The following LHB variants were observed in gnomAD, a reference collection of about 807,000 sequenced individuals.
LHB encodes lutropin subunit beta.
Under a neutral mutation model 10.6 loss-of-function variants are expected in LHB, and 11 were observed. That is an observed-to-expected ratio of 1.04 (90% CI 0.66 to 1.72). The LOEUF is 1.72. LHB is among the 40% of genes most tolerant of loss of function. The probability of loss-of-function intolerance (pLI) is 0.00; values close to 1 mark genes in which losing one functional copy is unlikely to be tolerated. For missense variants in LHB, 184 were observed against 197.3 expected (o/e 0.93, Z 0.41); for synonymous variants, 86 against 83.1 (o/e 1.03, Z -0.19).
At chr19:49,018,891 T>A, upstream of LHB, 3 of 1,534,146 alleles carry the variant, frequency 2.0e-6, no homozygotes, top group Admixed American at 5.9e-5. Context: ...GAACCGAAAG[T>A]CCCGCGCCGA....
chr19:49,019,256 C>T, upstream of LHB: 1 of 1,306,796 alleles, frequency 7.7e-7, no homozygotes, highest in Non-Finnish European at 9.7e-7. Context: ...GGAACTCAAA[C>T]CCAAGCCCCC....
chr19:49,018,162 G>C, upstream of LHB: 1 of 404,550 alleles, frequency 2.5e-6, no homozygotes, highest in Non-Finnish European at 4.3e-6. Context: ...AGGGCTCCCC[G>C]GTGCGGCATG....
intron 1 of LHB, 67 bp from the exon 2 acceptor site, chr19:49,016,781 G>T (rs112333942): frequency 6.2e-6 from 10 of 1,602,476 alleles, no homozygotes; most frequent in African/African-American, 2.7e-5. Flanking sequence ...TTCCCATCCC[G>T]CGTGGTACAC....
chr19:49,017,052 G>A lies in LHB; in HGVS notation c.15+15C>T. Reference sequence around the variant, plus strand: ...GGAAGGAGGTGGAAGGTGCCCAGGGGCCCTGTAGTCTTACCTGGAGCATCT... The same window carrying A: ...GGAAGGAGGTGGAAGGTGCCCAGGGACCCTGTAGTCTTACCTGGAGCATCT... On this transcript the variant is annotated intron_variant, in intron 1 of 2. Transcript: ENST00000649238. 1 of 1,613,734 alleles carries A rather than the reference G, an allele frequency of 6.2e-7. No individual in the cohort carries two copies. The highest frequency in any genetic ancestry group is 8.5e-7 in the Non-Finnish European group (1 of 1,179,856).
chr19:49,019,065 G>C, upstream of LHB: 2 of 1,465,976 alleles, frequency 1.4e-6, no homozygotes, highest in Non-Finnish European at 1.8e-6. Context: ...CCAAGCCCTG[G>C]GTCCCGAGTT....
chr19:49,016,432 C>T (rs2039554512), intron 2 of LHB, 115 bp downstream of exon 2: 2 of 1,600,738 alleles, frequency 1.2e-6, no homozygotes, highest in South Asian at 2.2e-5. Flanking sequence ...TCCTGCCTTC[C>T]CACACCCCAT....
upstream of LHB, chr19:49,018,359 A>C: frequency 8.2e-7 from 1 of 1,215,950 alleles, no homozygotes; most frequent in African/African-American, 1.6e-5. Context: ...GCAGGGCGGG[A>C]TGGTGAGGAT....
chr19:49,017,193 C>T (rs575342587), upstream of LHB: 82 of 1,553,384 alleles, frequency 5.3e-5, no homozygotes, highest in African/African-American at 3.7e-4. Context: ...CTAATCCCCC[C>T]GGGGGCGAGA....
upstream of LHB, chr19:49,017,748 C>T (rs1418198241): frequency 4.7e-6 from 2 of 421,734 alleles, no homozygotes; most frequent in African/African-American, 2.0e-5. Flanking sequence ...GTCTTGCCCC[C>T]GGGGCCACAG....
In LHB at chr19:49,016,273, T is replaced by C. The variant is rs5030773; in HGVS notation, c.221A>G (p.Gln74Arg). 2 of 1,612,128 alleles carry C rather than the reference T, an allele frequency of 1.2e-6. No individual in the cohort carries two copies. Among genetic ancestry groups the C allele is most frequent in the Non-Finnish European group, 1.7e-6 (2 of 1,179,824 alleles). Residue 74 changes from glutamine to arginine, a missense_variant, in exon 3 of 3, where the codon CAG becomes CGG. Coordinates refer to ENST00000649238, the MANE Select transcript of LHB (RefSeq NM_000894.3). ...VLQAVLPPLP[Q>R]VVCTYRDVRF... ...CACATCACGGTAGGTGCACACCACC[T>C]GAGGCAGGGGCGGCAGGACCGCCTG... is the stretch of plus-strand genomic sequence containing the variant.
intron 1 of LHB, 58 bp from the exon 2 acceptor site, chr19:49,016,772 T>C (rs1406688084): frequency 4.8e-5 from 77 of 1,604,188 alleles, no homozygotes; most frequent in Middle Eastern, 4.5e-4. Context: ...GTCCTGGCCT[T>C]CCCATCCCGC....
At chr19:49,018,082 C>A (rs1016790418), upstream of LHB, 4 of 398,806 alleles carry the variant, frequency 1.0e-5, no homozygotes, top group African/African-American at 8.2e-5. Context: ...AGGGCGCCTC[C>A]AGCGGGCAGA....
At chr19:49,017,701 G>T, upstream of LHB, 4 of 544,068 alleles carry the variant, frequency 7.4e-6, no homozygotes, top group Non-Finnish European at 1.1e-5. Context: ...TGGTTCAGGT[G>T]ATTTAACTCA....
upstream of LHB, chr19:49,017,191 C>T (rs1245611014): frequency 1.3e-6 from 2 of 1,560,204 alleles, no homozygotes; most frequent in Non-Finnish European, 1.8e-6. Context: ...CACTAATCCC[C>T]CCGGGGGCGA....
upstream of LHB, chr19:49,019,033 G>A (rs2039598380): frequency 5.9e-6 from 9 of 1,516,156 alleles, no homozygotes; most frequent in East Asian, 2.5e-5. Flanking sequence ...GCATACCCAA[G>A]ACATAGATTT....
At position 49,016,718 on chromosome 19, in the gene LHB, G is replaced by C; in HGVS notation, c.16-4C>G. ...GCAGCAGCAACAGCAGCAGCCCCTG[G>C]GACAAGGACACTGCTTCACCCAGGT... On this transcript the variant is annotated splice_polypyrimidine_tract_variant and splice_region_variant and intron_variant, in intron 1 of 2. Coordinates refer to ENST00000649238, the MANE Select transcript of LHB (RefSeq NM_000894.3). The C allele has an allele frequency of 6.2e-7, 1 of 1,610,662 alleles. No homozygotes were observed. Among genetic ancestry groups the C allele is most frequent in the African/African-American group, 1.3e-5 (1 of 74,848 alleles).
Position 49,015,984 on chromosome 19 carries a change from G to C in LHB, c.*84C>G, listed in dbSNP as rs184781114. The stretch of plus-strand genomic sequence containing the variant: ...CACAGAAAGACACCTCCAGAGTGCG[G>C]ATTGAGAAGCCTTTATTGTGGGAGG... On this transcript the variant is annotated 3_prime_UTR_variant, in exon 3 of 3. Transcript: ENST00000649238. 3.1e-5 allele frequency: 50 copies of C among 1,614,236 alleles called. No homozygotes were observed. The East Asian group carries it at 1.1e-3, about 35-fold the overall frequency.
rs1226548626 is a variant in LHB at position 49,016,189 on chromosome 19, A to T, written c.305T>A (p.Phe102Tyr). Residue 102 changes from phenylalanine to tyrosine, a missense_variant, in exon 3 of 3, where the codon TTC (phenylalanine) becomes TAC (tyrosine). By Grantham distance (22) the Phe-to-Tyr change is conservative (BLOSUM62 3). Coordinates refer to ENST00000649238, the MANE Select transcript of LHB (RefSeq NM_000894.3). ...ACAGCGACAGCTGAGAGCCACAGGG[A>T]AGGAGACCACGGGGTCCACACCACG... ...CPRGVDPVVS[F>Y]PVALSCRCGP... 6.2e-7 allele frequency: 1 copy of T among 1,612,642 alleles called. No homozygotes were observed. The highest frequency in any genetic ancestry group is 8.5e-7 in the Non-Finnish European group (1 of 1,179,964).
chr19:49,018,002 G>A, upstream of LHB: 1 of 398,718 alleles, frequency 2.5e-6, no homozygotes, highest in Admixed American at 4.4e-5. Context: ...GCCATAGCTG[G>A]AGTTCTCGGT....
Sources: gnomAD v4.1 joint callset for allele counts on GRCh38, gnomAD v4.1.1 for gene constraint, MANE v1.5 for transcripts, NCBI Gene and HGNC (gene_info 2026-07-23, HGNC 2026-07-21) for gene names.